The following DCC variants were observed in gnomAD, a reference collection of about 807,000 sequenced individuals.
The protein encoded by DCC is netrin receptor DCC.
Under a neutral mutation model 172.5 loss-of-function variants are expected in DCC, and 58 were observed. The observed-to-expected ratio is 0.34, with a 90% CI of 0.27 to 0.42. DCC has a LOEUF of 0.42. Ranked by LOEUF, DCC falls within the 10% of genes least tolerant of loss-of-function variation. The pLI, the probability that DCC is intolerant of heterozygous loss-of-function variation, is 1.00. For missense variants in DCC, 1,740 were observed against 1,791.0 expected, an observed-to-expected ratio of 0.97 and a Z score of 0.51; for synonymous variants, 709 against 644.5, an observed-to-expected ratio of 1.10 and a Z score of -1.52.
chr18:52,910,525 T>C (rs1325131758), intron 3 of DCC, among the ~76,000 whole-genome samples: 2 of 152,092 alleles, frequency 1.3e-5, no homozygotes, highest in East Asian at 3.9e-4. Flanking sequence ...AACAAAACAC[T>C]AAGAGTTGAG....
intron 1 of DCC, among the ~76,000 whole-genome samples, chr18:52,432,722 A>T (rs1987666555): frequency 6.6e-6 from 1 of 152,168 alleles, no homozygotes; most frequent in Non-Finnish European, 1.5e-5. Context: ...ACTTATGGAC[A>T]TTGCGATTAA....
chr18:52,688,916 C>A (rs1409289938), intron 1 of DCC, among the ~76,000 whole-genome samples: 1 of 151,880 alleles, frequency 6.6e-6, no homozygotes, highest in Non-Finnish European at 1.5e-5. Context: ...TTAATATTAC[C>A]CAGTAAATCC....
intron 21 of DCC, among the ~76,000 whole-genome samples, chr18:53,434,112 G>C (rs1034043793): frequency 2.0e-5 from 3 of 152,154 alleles, no homozygotes; most frequent in Non-Finnish European, 2.9e-5. Context: ...ACCAGGACTT[G>C]AAAGTTATAG....
intron 7 of DCC, among the ~76,000 whole-genome samples, chr18:53,126,026 C>A (rs1216288531): frequency 6.6e-6 from 1 of 152,040 alleles, no homozygotes; most frequent in African/African-American, 2.4e-5. Context: ...GAGGAAGGAA[C>A]CTCACCTGTT....
intron 1 of DCC, among the ~76,000 whole-genome samples, chr18:52,467,875 G>T (rs555131458): frequency 2.3e-4 from 35 of 152,196 alleles, no homozygotes; most frequent in East Asian, 1.5e-3. Context: ...CAGACCCTTT[G>T]CCCACTTTAT....
At chr18:52,466,240 T>C (rs1194839690) in intron 1 of DCC, among the ~76,000 whole-genome samples, 3 of 152,180 alleles carry the variant, frequency 2.0e-5, no homozygotes, top group Non-Finnish European at 4.4e-5. Context: ...AAAAGGGATA[T>C]GCGGCAGGGG....
At chr18:53,047,561 C>T (rs755977590) in intron 5 of DCC, among the ~76,000 whole-genome samples, 4 of 145,144 alleles carry the variant, frequency 2.8e-5, no homozygotes, top group Non-Finnish European at 4.5e-5. Context: ...CCCTACCCTT[C>T]GTTGCCTTCA....
At chr18:53,486,329 C>T (rs980353309) in intron 25 of DCC, among the ~76,000 whole-genome samples, 1 of 152,210 alleles carries the variant, frequency 6.6e-6, no homozygotes, top group African/African-American at 2.4e-5. Flanking sequence ...TTGCTTCTCT[C>T]TCTCTCGACT....
chr18:52,935,014 G>A (rs1160728368), intron 5 of DCC: 1 of 152,146 alleles, frequency 6.6e-6, no homozygotes, highest in Non-Finnish European at 1.5e-5. Context: ...TACAGAAAAG[G>A]TAGATGCTGT....
intron 1 of DCC, among the ~76,000 whole-genome samples, chr18:52,375,100 T>C (rs1432588609): frequency 6.6e-6 from 1 of 152,246 alleles, no homozygotes. Flanking sequence ...GGTACGTGGT[T>C]GCCTTTTGAC....
At chr18:52,846,269 T>C (rs551372009) in intron 2 of DCC, among the ~76,000 whole-genome samples, 49 of 152,196 alleles carry the variant, frequency 3.2e-4, no homozygotes, top group African/African-American at 1.1e-3. Flanking sequence ...CAGCCAGGCA[T>C]GGTGGCACAT....
intron 1 of DCC, among the ~76,000 whole-genome samples, chr18:52,450,553 G>A (rs1189040349): frequency 6.6e-6 from 1 of 152,072 alleles, no homozygotes; most frequent in Non-Finnish European, 1.5e-5. Flanking sequence ...GGCTATTTGG[G>A]GAAATGTTAT....
At chr18:52,760,112 G>A (rs1365265752) in intron 2 of DCC, among the ~76,000 whole-genome samples, 1 of 152,208 alleles carries the variant, frequency 6.6e-6, no homozygotes. Context: ...AAAGGAAAGA[G>A]GTTTAATTGA....
At chr18:52,909,865 A>G (rs912992570) in intron 3 of DCC, among the ~76,000 whole-genome samples, 3 of 152,222 alleles carry the variant, frequency 2.0e-5, no homozygotes, top group African/African-American at 7.2e-5. Context: ...AGAAGAAAAC[A>G]CAGAGCACCA....
intron 15 of DCC, among the ~76,000 whole-genome samples, chr18:53,350,535 TG>T (rs2057779351): frequency 6.6e-6 from 1 of 152,112 alleles, no homozygotes; most frequent in Non-Finnish European, 1.5e-5. Context: ...TGGAATTAAG[TG>T]GAACTCTTAA....
intron 1 of DCC, among the ~76,000 whole-genome samples, chr18:52,405,953 A>G (rs1263671637): frequency 2.6e-5 from 4 of 151,544 alleles, no homozygotes; most frequent in South Asian, 2.1e-4. Flanking sequence ...AAAACAGCAT[A>G]GTACTGGTAC....
chr18:52,853,131 C>T (rs902417219), intron 2 of DCC, among the ~76,000 whole-genome samples: 4 of 152,096 alleles, frequency 2.6e-5, no homozygotes, highest in Non-Finnish European at 5.9e-5. Flanking sequence ...GACACAGTGA[C>T]AGGGAGTTTG....
At chr18:53,273,301 T>C (rs762370340) in intron 12 of DCC, among the ~76,000 whole-genome samples, 1 of 152,154 alleles carries the variant, frequency 6.6e-6, no homozygotes, top group Non-Finnish European at 1.5e-5. Context: ...TCAATGAGGT[T>C]TGTCCTCTTT....
intron 1 of DCC, among the ~76,000 whole-genome samples, chr18:52,454,720 A>G (rs1188900078): frequency 6.6e-6 from 1 of 152,180 alleles, no homozygotes; most frequent in Admixed American, 6.5e-5. Flanking sequence ...ATGCCTTTCA[A>G]TGGAAGCATT....
Sources: allele counts gnomAD v4.1 joint callset (sites outside exome capture counted in the v4.1 genomes callset), GRCh38; gene constraint gnomAD v4.1.1; transcripts MANE v1.5; gene names NCBI Gene and HGNC (gene_info 2026-07-23, HGNC 2026-07-21).